The following ADCY2 variants were observed in gnomAD, a reference collection of about 807,000 sequenced individuals.
ADCY2 encodes the protein adenylate cyclase type 2.
A neutral mutation model predicts 125.2 loss-of-function variants in ADCY2; 31 were observed. The observed-to-expected ratio is 0.25, with a 90% CI of 0.19 to 0.33. The LOEUF is 0.33. Among genes scored for constraint, ADCY2 ranks in the 10% least tolerant of loss-of-function variants. The probability of loss-of-function intolerance (pLI) is 1.00; values close to 1 mark genes in which losing one functional copy is unlikely to be tolerated. For synonymous variants in ADCY2, 512 were observed against 548.4 expected, an observed-to-expected ratio of 0.93 and a Z score of 0.93; for missense variants, 904 against 1,418.2, an observed-to-expected ratio of 0.64 and a Z score of 5.82.
Position 7,802,144 on chromosome 5 carries a change from G to A in ADCY2, c.2629-74G>A. 6.5e-7 allele frequency: 1 copy of A among 1,531,426 alleles called. No individual in the cohort carries two copies. 94.9% of individuals were successfully genotyped at this position (1,531,426 alleles called of 1,614,324 possible). On this transcript the variant is annotated intron_variant, in intron 20 of 24. Coordinates refer to ENST00000338316, the MANE Select transcript of ADCY2 (RefSeq NM_020546.3). The surrounding 1 kb of genome is among the most constrained non-coding windows in gnomAD (Gnocchi z 4.6). ...TCTGTGTGAATCCTGGCATAAACAA[G>A]CCACTTGCCTGTGGAGTGTTTCTGT...
intron 18 of ADCY2, among the ~76,000 whole-genome samples, chr5:7,779,343 G>C (rs2126491020): frequency 6.6e-6 from 1 of 152,288 alleles, no homozygotes; most frequent in Non-Finnish European, 1.5e-5. Context: ...TTTAGAATAG[G>C]GGAAGGGTTT....
Position 7,533,271 on chromosome 5 carries a change from T to G in ADCY2, c.570+12372T>G, listed in dbSNP as rs184794505. 2.0e-3 allele frequency among the ~76,000 whole-genome samples: 297 copies of G among 151,956 alleles called. 1 individual carries two copies. Among genetic ancestry groups the G allele is most frequent in the African/African-American group, 6.7e-3 (277 of 41,522 alleles). On this transcript the variant is annotated intron_variant, in intron 3 of 24. Transcript: ENST00000338316. ...TTTCATTCAAGGTTTAAATTGTATT[T>G]CATAAAGTTGAGTAATCTCTTCTCA...
chr5:7,469,978 G>C (rs1360942549), intron 2 of ADCY2, among the ~76,000 whole-genome samples: 1 of 151,218 alleles, frequency 6.6e-6, no homozygotes, highest in Non-Finnish European at 1.5e-5. Context: ...ATTTACATGA[G>C]GAAATTTTAC....
At chr5:7,413,564 C>T (rs531961659) in intron 1 of ADCY2, among the ~76,000 whole-genome samples, 5 of 151,850 alleles carry the variant, frequency 3.3e-5, no homozygotes, top group East Asian at 1.9e-4. Flanking sequence ...TCCCAAAGTA[C>T]TGGGATTACA....
intron 2 of ADCY2, among the ~76,000 whole-genome samples, chr5:7,459,098 G>A (rs1018591443): frequency 4.6e-5 from 7 of 152,218 alleles, no homozygotes; most frequent in African/African-American, 1.7e-4. Flanking sequence ...GTAGGTGGGT[G>A]CGGATCTTCT....
chr5:7,432,500 C>G (rs1740641150), intron 2 of ADCY2, among the ~76,000 whole-genome samples: 1 of 152,206 alleles, frequency 6.6e-6, no homozygotes, highest in Non-Finnish European at 1.5e-5. Flanking sequence ...AGCATTCACC[C>G]TGGCTCCTGG....
Position 7,537,854 on chromosome 5 carries a change from G to T in ADCY2, c.570+16955G>T, listed in dbSNP as rs1459974914. 2.6e-5 allele frequency among the ~76,000 whole-genome samples: 4 copies of T among 152,266 alleles called. No individual in the cohort carries two copies. The East Asian group carries it at 7.7e-4, about 29-fold the overall frequency. ...TCTGCAGATGCTGGGCTCCTCACAGGGCCCTGATTGTGCTTGGCCATTCCT... is the reference window on the plus strand; with the variant it reads ...TCTGCAGATGCTGGGCTCCTCACAGTGCCCTGATTGTGCTTGGCCATTCCT... On this transcript the variant is annotated intron_variant, in intron 3 of 24. Transcript: ENST00000338316.
intron 4 of ADCY2, among the ~76,000 whole-genome samples, chr5:7,672,479 G>C (rs1739968664): frequency 6.6e-6 from 1 of 151,938 alleles, no homozygotes; most frequent in Admixed American, 6.6e-5. Context: ...TACTAAGAAT[G>C]GTTTTTATAT....
chr5:7,588,699 A>G (rs1736710823), intron 3 of ADCY2, among the ~76,000 whole-genome samples: 1 of 152,226 alleles, frequency 6.6e-6, no homozygotes, highest in Admixed American at 6.5e-5. Context: ...CTGAAATTTG[A>G]AATTTATGTA....
At chr5:7,631,613 ATGGTATCC>A (rs1440981332) in intron 4 of ADCY2, among the ~76,000 whole-genome samples, 1 of 152,212 alleles carries the variant, frequency 6.6e-6, no homozygotes, top group Non-Finnish European at 1.5e-5. Context: ...AGCATCCAAA[ATGGTATCC>A]TGCTAAGAAG....
chr5:7,583,032 A>G (rs1352061485), intron 3 of ADCY2, among the ~76,000 whole-genome samples: 2 of 152,150 alleles, frequency 1.3e-5, no homozygotes, highest in African/African-American at 4.8e-5. Flanking sequence ...TACAAAAATC[A>G]GTTGTGTTTT....
chr5:7,611,863 A>G (rs558601013), intron 3 of ADCY2, among the ~76,000 whole-genome samples: 23 of 152,352 alleles, frequency 1.5e-4, no homozygotes, highest in African/African-American at 5.3e-4. Context: ...CAAGTAATCC[A>G]AAGCTCATCT....
chr5:7,477,142 C>A (rs1579482948), intron 2 of ADCY2, among the ~76,000 whole-genome samples: 1 of 152,046 alleles, frequency 6.6e-6, no homozygotes, highest in Non-Finnish European at 1.5e-5. Flanking sequence ...TCTCTGTTTC[C>A]TCTAATGATA....
At chr5:7,640,839 C>T (rs994689363) in intron 4 of ADCY2, among the ~76,000 whole-genome samples, 11 of 152,076 alleles carry the variant, frequency 7.2e-5, no homozygotes, top group Admixed American at 6.6e-4. Context: ...TCTTTCTTTA[C>T]CCTTGAAACA....
intron 3 of ADCY2, among the ~76,000 whole-genome samples, chr5:7,529,664 G>C (rs1321087914): frequency 1.3e-5 from 2 of 152,216 alleles, no homozygotes; most frequent in African/African-American, 4.8e-5. Context: ...AGATGTCCCA[G>C]GTACCCCTCA....
At chr5:7,614,150 G>A (rs1655057191) in intron 3 of ADCY2, among the ~76,000 whole-genome samples, 1 of 152,226 alleles carries the variant, frequency 6.6e-6, no homozygotes, top group African/African-American at 2.4e-5. Flanking sequence ...TGCATCTCAT[G>A]AGTGTCAACA....
At chr5:7,720,136 A>C (rs1414927217) in intron 12 of ADCY2, among the ~76,000 whole-genome samples, 1 of 152,118 alleles carries the variant, frequency 6.6e-6, no homozygotes, top group Non-Finnish European at 1.5e-5. Flanking sequence ...GGAGGCCCTA[A>C]ATCAAGCACA....
chr5:7,494,564 A>G (rs1743280175), intron 2 of ADCY2, among the ~76,000 whole-genome samples: 1 of 152,088 alleles, frequency 6.6e-6, no homozygotes, highest in African/African-American at 2.4e-5. Context: ...AACCCATCCT[A>G]GTGAGCAAGG....
chr5:7,434,094 C>T (rs1402142335), intron 2 of ADCY2, among the ~76,000 whole-genome samples: 1 of 152,098 alleles, frequency 6.6e-6, no homozygotes, highest in Non-Finnish European at 1.5e-5. Flanking sequence ...GAAAAGCAAA[C>T]ATTTTAAGTA....
Sources: gnomAD v4.1 joint callset for allele counts (sites outside exome capture counted in the v4.1 genomes callset) on GRCh38, gnomAD v4.1.1 for gene constraint, Gnocchi (gnomAD v3.1) non-coding constraint, MANE v1.5 for transcripts, NCBI Gene and HGNC (gene_info 2026-07-23, HGNC 2026-07-21) for gene names.